The following CSTB variants were observed in gnomAD, a reference collection of about 807,000 sequenced individuals.
CSTB encodes the protein cystatin-B.
CSTB carries 8 observed loss-of-function variants against 7.6 expected under a neutral mutation model. That is an observed-to-expected ratio of 1.05 (90% CI 0.62 to 1.89). The LOEUF is 1.89. CSTB is among the 40% of genes most tolerant of loss of function. CSTB has a pLI of 0.00. For synonymous variants in CSTB, 56 were observed against 55.3 expected, an observed-to-expected ratio of 1.01 and a Z score of -0.06; for missense variants, 124 against 126.4, an observed-to-expected ratio of 0.98 and a Z score of 0.09.
At chr21:43,776,056 G>T in intron 1 of CSTB, 148 bp downstream of exon 1, 1 of 641,532 alleles carries the variant, frequency 1.6e-6, no homozygotes, top group Non-Finnish European at 2.4e-6. Flanking sequence ...CAGCGCCCGA[G>T]CGGAGGGAGG....
intron 1 of CSTB, 25 bp from the exon 2 acceptor site, chr21:43,774,784 A>C: frequency 6.4e-7 from 1 of 1,570,974 alleles, no homozygotes; most frequent in Non-Finnish European, 8.8e-7. Flanking sequence ...CAGAATGAGG[A>C]TGTCTCAGTG....
intron 2 of CSTB, 74 bp from the exon 3 acceptor site, chr21:43,774,404 C>T: frequency 6.2e-7 from 1 of 1,607,960 alleles, no homozygotes; most frequent in Non-Finnish European, 8.5e-7. Context: ...TCATTAGCAG[C>T]CAGCTGAAGA....
At position 43,773,959 on chromosome 21, in the gene CSTB, T is replaced by A. The variant is rs568581184; in HGVS notation, c.*243A>T. On this transcript the variant is annotated 3_prime_UTR_variant, in exon 3 of 3. Transcript: ENST00000291568. ...CAAAGGAGGCAATCTGTAAGGATTT[T>A]AAAAATATATCTATTTTGAAAATAT... The A allele has an allele frequency of 3.7e-6, 2 of 546,550 alleles. No individual in the cohort carries two copies. The highest frequency in any genetic ancestry group is 3.4e-5 in the East Asian group (1 of 29,434). 33.9% of individuals were successfully genotyped at this position (546,550 alleles called of 1,614,324 possible).
chr21:43,776,133 C>A, intron 1 of CSTB, 71 bp downstream of exon 1: 1 of 1,408,402 alleles, frequency 7.1e-7, no homozygotes, highest in South Asian at 1.3e-5. Flanking sequence ...TTCTTTCGCT[C>A]CAGGAGCCGC....
intron 1 of CSTB, chr21:43,775,889 A>C (rs2084007513): frequency 3.3e-6 from 1 of 300,286 alleles, no homozygotes; most frequent in Non-Finnish European, 6.1e-6. Flanking sequence ...TGAAACCAGA[A>C]GCGCCTCATC....
chr21:43,776,174 G>C (rs1343198506), intron 1 of CSTB, 30 bp downstream of exon 1: 16 of 1,522,352 alleles, frequency 1.1e-5, no homozygotes, highest in South Asian at 1.2e-5. Flanking sequence ...GCAGGACTCC[G>C]GGCCGGCCCC....
chr21:43,774,900 T>G, intron 1 of CSTB, 141 bp from the exon 2 acceptor site: 1 of 727,924 alleles, frequency 1.4e-6, no homozygotes, highest in Non-Finnish European at 2.5e-6. Context: ...GAAGGGACAT[T>G]TAAACTGTCA....
rs1242098640 is a variant in CSTB, at chr21:43,773,968, A to G, written c.*234T>C. ...CAATCTGTAAGGATTTTAAAAATAT[A>G]TCTATTTTGAAAATATTCTGAAAGT... On this transcript the variant is annotated 3_prime_UTR_variant, in exon 3 of 3. Transcript: ENST00000291568. The G allele has an allele frequency of 5.3e-6, 3 of 571,254 alleles. No homozygotes were observed. The highest frequency in any genetic ancestry group is 2.0e-5 in the South Asian group (1 of 49,422). 35.4% of individuals were successfully genotyped at this position (571,254 alleles called of 1,614,324 possible).
At chr21:43,775,954 TA>T in intron 1 of CSTB, 1 of 441,126 alleles carries the variant, frequency 2.3e-6, no homozygotes, top group Non-Finnish European at 4.0e-6. Flanking sequence ...TGCTCCGGGC[TA>T]TCAATTCCCA....
Position 43,774,324 on chromosome 21 carries a change from C to G in CSTB, c.175G>C (p.Val59Leu). 3 of 1,614,176 alleles carry G rather than the reference C, an allele frequency of 1.9e-6. No homozygotes were observed. The highest frequency in any genetic ancestry group is 2.5e-6 in the Non-Finnish European group (3 of 1,180,044). ...AGTNYFIKVH[V>L]GDEDFVHLRV... The stretch of plus-strand genomic sequence containing the variant: ...AGGTGTACGAAGTCCTCGTCGCCGA[C>G]GTGCACCTGGGAAGAGAGCGGAGTG... Residue 59 changes from valine to leucine, a missense_variant, in exon 3 of 3, where the codon GTC becomes CTC. Physicochemically the swap from Val to Leu is conservative, Grantham distance 32. Transcript: ENST00000291568.
chr21:43,774,580 C>T, intron 2 of CSTB, 78 bp downstream of exon 2: 1 of 1,346,664 alleles, frequency 7.4e-7, no homozygotes. Flanking sequence ...GCACCTAAGA[C>T]CACACAGCCC....
chr21:43,774,259 C>T lies in CSTB; in HGVS notation c.240G>A (p.Leu80=). The T allele has an allele frequency of 6.2e-7, 1 of 1,614,212 alleles. No individual in the cohort carries two copies. The change falls in exon 3 of 3, where the codon TTG becomes TTA. Residue 80 remains leucine, a synonymous_variant. Transcript: ENST00000291568. ...TGTTGGTCTGGTAGTTAGATAAGGT[C>T]AAGGGCTTGTTTTCATGAGGGAGAG... The part of the protein sequence containing the change: ...FQSLPHENKP[L]TLSNYQTNKA...
At chr21:43,774,790 C>T in intron 1 of CSTB, 31 bp from the exon 2 acceptor site, 1 of 1,552,298 alleles carries the variant, frequency 6.4e-7, no homozygotes, top group Non-Finnish European at 8.9e-7. Context: ...GAGGATGTCT[C>T]AGTGGCTTCT....
At position 43,774,138 on chromosome 21, in the gene CSTB, G is replaced by A. The variant is rs147403584; in HGVS notation, c.*64C>T. ...GCTTATTTTAGGATCACAAGTGCAC[G>A]CTCTGGTAGACGGAGGATGACTTTG... is the stretch of plus-strand genomic sequence containing the variant. On this transcript the variant is annotated 3_prime_UTR_variant, in exon 3 of 3. Transcript: ENST00000291568. 108 of 1,609,608 alleles carry A rather than the reference G, an allele frequency of 6.7e-5. No homozygotes were observed. Among genetic ancestry groups the A allele is most frequent in the Non-Finnish European group, 8.8e-5 (104 of 1,176,070 alleles).
At chr21:43,774,830 C>T (rs1303570980) in intron 1 of CSTB, 71 bp from the exon 2 acceptor site, 4 of 1,068,306 alleles carry the variant, frequency 3.7e-6, no homozygotes, top group Non-Finnish European at 5.8e-6. Flanking sequence ...GTAACTTGCA[C>T]GCATGTGAGC....
At chr21:43,774,584 A>G (rs1159921317) in intron 2 of CSTB, 74 bp downstream of exon 2, 27 of 1,370,522 alleles carry the variant, frequency 2.0e-5, no homozygotes, top group Admixed American at 1.8e-4. Flanking sequence ...CTAAGACCAC[A>G]CAGCCCGGGC....
At position 43,774,255 on chromosome 21, in the gene CSTB, A is replaced by C; in HGVS notation, c.244T>G (p.Leu82Val). The C allele has an allele frequency of 6.2e-7, 1 of 1,614,250 alleles. No individual in the cohort carries two copies. Among genetic ancestry groups the C allele is most frequent in the Non-Finnish European group, 8.5e-7 (1 of 1,180,044 alleles). ...SLPHENKPLTLSNYQTNKAKH... is the reference protein window; with the variant it reads ...SLPHENKPLTVSNYQTNKAKH... Reference sequence around the variant, plus strand: ...GCTTTGTTGGTCTGGTAGTTAGATAAGGTCAAGGGCTTGTTTTCATGAGGG... The same window carrying C: ...GCTTTGTTGGTCTGGTAGTTAGATACGGTCAAGGGCTTGTTTTCATGAGGG... Residue 82 changes from leucine (L) to valine (V), a missense_variant, in exon 3 of 3, where the codon TTA becomes GTA. By Grantham distance (32) the Leu-to-Val change is conservative (BLOSUM62 1). Transcript: ENST00000291568.
rs2084002887 is a variant in CSTB, at chr21:43,774,895, G to A, written c.67-136C>T. 5 of 739,452 alleles carry A rather than the reference G, an allele frequency of 6.8e-6. No individual in the cohort carries two copies. The East Asian group carries it at 1.3e-4, about 19-fold the overall frequency. 45.8% of individuals were successfully genotyped at this position (739,452 alleles called of 1,614,324 possible). ...CACAATTGTCTCTTACAACTGAAGGGACATTTAAACTGTCAGCCTAATAAT... is the reference window on the plus strand; with the variant it reads ...CACAATTGTCTCTTACAACTGAAGGAACATTTAAACTGTCAGCCTAATAAT... On this transcript the variant is annotated intron_variant, in intron 1 of 2. Coordinates refer to ENST00000291568, the MANE Select transcript of CSTB (RefSeq NM_000100.4).
At chr21:43,775,583 T>C (rs2084005986) in intron 1 of CSTB, 1 of 152,454 alleles carries the variant, frequency 6.6e-6, no homozygotes, top group South Asian at 2.1e-4. Context: ...CAGATACACT[T>C]AAGTTTTTAA....
Sources: gnomAD v4.1 joint callset for allele counts on GRCh38, gnomAD v4.1.1 for gene constraint, MANE v1.5 for transcripts, NCBI Gene and HGNC (gene_info 2026-07-23, HGNC 2026-07-21) for gene names.